The following USP48 variants were observed in gnomAD, a reference collection of about 807,000 sequenced individuals.
USP48 encodes the protein ubiquitin carboxyl-terminal hydrolase 48.
In USP48, 43 loss-of-function variants were observed where a neutral mutation model predicts 150.7. That is an observed-to-expected ratio of 0.29 (90% CI 0.22 to 0.37). The LOEUF is 0.37. Among genes scored for constraint, USP48 ranks in the 10% least tolerant of loss-of-function variants. The pLI, the probability that USP48 is intolerant of heterozygous loss-of-function variation, is 1.00. For missense variants in USP48, 813 were observed against 1,249.6 expected (o/e 0.65, Z 5.27); for synonymous variants, 396 against 425.9 (o/e 0.93, Z 0.86).
At chr1:21,721,255 T>C (rs997073104) in intron 13 of USP48, 89 bp from the exon 14 acceptor site, 2 of 1,514,860 alleles carry the variant, frequency 1.3e-6, no homozygotes, top group African/African-American at 1.4e-5. Flanking sequence ...CTAAAGTGAA[T>C]TACAAACACT....
At chr1:21,733,342 G>C (rs1199483391) in intron 9 of USP48, among the ~76,000 whole-genome samples, 5 of 152,022 alleles carry the variant, frequency 3.3e-5, no homozygotes, top group Non-Finnish European at 7.4e-5. Flanking sequence ...GTTTGAACCT[G>C]GGAGGTGGAA....
intron 14 of USP48, among the ~76,000 whole-genome samples, chr1:21,719,065 A>C (rs934730578): frequency 4.0e-5 from 6 of 151,448 alleles, no homozygotes; most frequent in African/African-American, 1.5e-4. Flanking sequence ...TCAGGAGTTC[A>C]AGACCAGCTG....
At chr1:21,690,229 A>G in intron 23 of USP48, 130 bp from the exon 24 acceptor site, 1 of 1,065,828 alleles carries the variant, frequency 9.4e-7, no homozygotes, top group Non-Finnish European at 1.3e-6. Context: ...ACTATTGTTT[A>G]CAGTCAGCCT....
intron 2 of USP48, chr1:21,756,982 AT>A: frequency 5.1e-6 from 5 of 985,418 alleles, no homozygotes; most frequent in Non-Finnish European, 6.0e-6. Flanking sequence ...AGAACAGTGG[AT>A]TCTAGAAAAG....
At chr1:21,734,316 T>G (rs1331393585) in intron 9 of USP48, among the ~76,000 whole-genome samples, 1 of 152,086 alleles carries the variant, frequency 6.6e-6, no homozygotes, top group East Asian at 1.9e-4. Flanking sequence ...GGAGGATTAT[T>G]TGAGTCCAGG....
chr1:21,687,351 C>A, intron 24 of USP48, 112 bp from the exon 25 acceptor site: 1 of 986,886 alleles, frequency 1.0e-6, no homozygotes, highest in Non-Finnish European at 1.5e-6. Flanking sequence ...ACACACTGTC[C>A]AGTAGATAAC....
At chr1:21,706,045 C>T in intron 18 of USP48, 81 bp downstream of exon 18, 1 of 1,452,750 alleles carries the variant, frequency 6.9e-7, no homozygotes, top group South Asian at 1.2e-5. Flanking sequence ...GTACAACAAA[C>T]AGAATCCACG....
intron 15 of USP48, among the ~76,000 whole-genome samples, chr1:21,714,542 T>C (rs913552883): frequency 1.3e-5 from 2 of 152,052 alleles, no homozygotes; most frequent in Non-Finnish European, 2.9e-5. Context: ...GGATTATAGG[T>C]GCAAGCTACA....
chr1:21,740,618 G>C (rs563968419), intron 8 of USP48, among the ~76,000 whole-genome samples: 1 of 152,206 alleles, frequency 6.6e-6, no homozygotes, highest in South Asian at 2.1e-4. Context: ...ACAATCCTAA[G>C]GAATGAGTAC....
intron 25 of USP48, 117 bp from the exon 26 acceptor site, chr1:21,680,951 C>T (rs2097564119): frequency 1.4e-6 from 1 of 711,432 alleles, no homozygotes; most frequent in Admixed American, 3.4e-5. Flanking sequence ...CCTTTGTCAC[C>T]TGTAATAATC....
chr1:21,757,889 A>C, intron 1 of USP48, 106 bp from the exon 2 acceptor site: 1 of 1,347,122 alleles, frequency 7.4e-7, no homozygotes, highest in Non-Finnish European at 9.8e-7. Flanking sequence ...TAAATTAGCA[A>C]AACTGAGAAA....
intron 8 of USP48, among the ~76,000 whole-genome samples, chr1:21,746,832 C>A (rs1362418697): frequency 6.6e-6 from 1 of 152,066 alleles, no homozygotes; most frequent in Non-Finnish European, 1.5e-5. Flanking sequence ...TATTTTTATA[C>A]CCTTAATTCT....
chr1:21,775,774 GACATGC>G (rs1307264120), intron 1 of USP48, among the ~76,000 whole-genome samples: 1 of 152,162 alleles, frequency 6.6e-6, no homozygotes, highest in East Asian at 1.9e-4. Context: ...TGGGCATGGT[GACATGC>G]ACTTGTAATC....
chr1:21,680,844 A>G lies in USP48; in HGVS notation c.3059-10T>C. 1 of 1,584,798 alleles carries G rather than the reference A, an allele frequency of 6.3e-7. No homozygotes were observed. Among genetic ancestry groups the G allele is most frequent in the East Asian group, 2.3e-5 (1 of 43,942 alleles). On this transcript the variant is annotated splice_polypyrimidine_tract_variant and intron_variant, in intron 25 of 26. Coordinates refer to ENST00000308271, the MANE Select transcript of USP48 (RefSeq NM_032236.8). ...TCTTCTGGCATACAAACTGAAAAAA[A>G]GAAAAAAAGAAGAATTCCAAATTGA...
intron 22 of USP48, among the ~76,000 whole-genome samples, chr1:21,698,711 G>C (rs532542009): frequency 6.6e-6 from 1 of 152,012 alleles, no homozygotes; most frequent in African/African-American, 2.4e-5. Context: ...TGGATATCAC[G>C]GTGAAACCCC....
chr1:21,703,571 C>T lies in USP48; in HGVS notation c.2563G>A (p.Asp855Asn). Residue 855 changes from aspartate (D) to asparagine (N), a missense_variant, in exon 21 of 27, where the codon GAC becomes AAC. Physicochemically the swap from Asp to Asn is conservative, Grantham distance 23. Coordinates refer to ENST00000308271, the MANE Select transcript of USP48 (RefSeq NM_032236.8). ...GTGGCTTGAGTGTATTCACGCAGGTCCCTCTGCTGCTGACACAATAAGCCT... is the reference window on the plus strand; with the variant it reads ...GTGGCTTGAGTGTATTCACGCAGGTTCCTCTGCTGCTGACACAATAAGCCT... ...REGLLCQQQRDLREYTQATIY... is the reference protein window; with the variant it reads ...REGLLCQQQRNLREYTQATIY... 1 of 1,611,928 alleles carries T rather than the reference C, an allele frequency of 6.2e-7. No homozygotes were observed. Among genetic ancestry groups the T allele is most frequent in the East Asian group, 2.2e-5 (1 of 44,884 alleles).
At chr1:21,719,894 A>G (rs1476015393) in intron 14 of USP48, among the ~76,000 whole-genome samples, 1 of 152,148 alleles carries the variant, frequency 6.6e-6, no homozygotes, top group Non-Finnish European at 1.5e-5. Flanking sequence ...CAAATAAATA[A>G]ATAAATAAAA....
chr1:21,691,306 C>T (rs1241914049), intron 23 of USP48, among the ~76,000 whole-genome samples: 1 of 133,850 alleles, frequency 7.5e-6, no homozygotes, highest in African/African-American at 3.1e-5. Context: ...AAGAGCGAAA[C>T]TCCCATCTCC....
Position 21,695,116 on chromosome 1 carries a change from T to C in USP48, c.2833A>G (p.Lys945Glu). 1 of 1,613,712 alleles carries C rather than the reference T, an allele frequency of 6.2e-7. No individual in the cohort carries two copies. Among genetic ancestry groups the C allele is most frequent in the South Asian group, 1.1e-5 (1 of 90,916 alleles). ...SMRHRKVRGE[K>E]ALLVSANQTL... is the part of the protein sequence containing the mutation. ...TGATTAGCAGAAACGAGAAGTGCTT[T>C]CTCACCACGAACTTTTCTATGTCGC... The change falls in exon 23 of 27, where the codon AAA (lysine) becomes GAA (glutamate). Residue 945 changes from lysine to glutamate, a missense_variant. Coordinates refer to ENST00000308271, the MANE Select transcript of USP48 (RefSeq NM_032236.8).
Sources: allele counts gnomAD v4.1 joint callset (sites outside exome capture counted in the v4.1 genomes callset), GRCh38; gene constraint gnomAD v4.1.1; transcripts MANE v1.5; gene names NCBI Gene and HGNC (gene_info 2026-07-23, HGNC 2026-07-21).